Variants in NELL2 observed in about 807,000 individuals in gnomAD.
The protein encoded by NELL2 is protein kinase C-binding protein NELL2.
A neutral mutation model predicts 109.6 loss-of-function variants in NELL2; 41 were observed. The ratio of observed to expected loss-of-function variants is 0.37; its 90% CI spans 0.29 to 0.49. The LOEUF (loss-of-function observed/expected upper bound fraction) is 0.49. Among genes scored for constraint, NELL2 ranks in the 20% least tolerant of loss-of-function variants. The pLI is 0.98. For synonymous variants in NELL2, 355 were observed against 344.7 expected (o/e 1.03, Z -0.33); for missense variants, 900 against 1,008.3 (o/e 0.89, Z 1.45).
chr12:44,908,019 A>T (rs952375076), intron 1 of NELL2, among the ~76,000 whole-genome samples: 5 of 152,026 alleles, frequency 3.3e-5, no homozygotes, highest in African/African-American at 1.2e-4. Context: ...TCTCAGTGGA[A>T]TAGGAAGCAA....
chr12:44,623,024 C>T (rs1946114090), intron 13 of NELL2, among the ~76,000 whole-genome samples: 3 of 152,014 alleles, frequency 2.0e-5, no homozygotes. Context: ...CATTTTAGAG[C>T]TAATATCTTT....
rs1944626285 is a variant in NELL2, at chr12:44,854,668, ATGGATGGATGGATGGGTGGATGGATGGG to A, written c.184+20529_184+20556del. On this transcript the variant is annotated intron_variant, in intron 2 of 19. Coordinates refer to ENST00000429094, the MANE Select transcript of NELL2 (RefSeq NM_001145108.2). ...GTTTATTGGATGGATGGATGGATGG[ATGGATGGATGGATGGGTGGATGGATGGG>A]TGGATGGATGGGTGGGTGGGTGGAT... Among the ~76,000 whole-genome samples, 7 of 48,702 alleles carry A rather than the reference ATGGATGGATGGATGGGTGGATGGATGGG, an allele frequency of 1.4e-4. No homozygotes were observed. The South Asian group carries it at 4.2e-3, about 30-fold the overall frequency. The allele number at this position is 48,702 out of a possible 152,430, so 32.0% of individuals were successfully genotyped here.
At chr12:44,556,499 T>C (rs1943261233) in intron 15 of NELL2, among the ~76,000 whole-genome samples, 1 of 152,140 alleles carries the variant, frequency 6.6e-6, no homozygotes, top group African/African-American at 2.4e-5. Context: ...AGAAGCCAGA[T>C]ATAGGATCAC....
intron 12 of NELL2, among the ~76,000 whole-genome samples, chr12:44,690,481 G>A (rs979808375): frequency 6.6e-6 from 1 of 151,858 alleles, no homozygotes; most frequent in Admixed American, 6.6e-5. Context: ...CAAGCTCCTA[G>A]ATGGTGGCCC....
chr12:44,605,311 G>A (rs1294322318), intron 15 of NELL2, among the ~76,000 whole-genome samples: 2 of 152,102 alleles, frequency 1.3e-5, no homozygotes, highest in South Asian at 2.1e-4. Flanking sequence ...AGAGAATGGC[G>A]AAGAGTAAGG....
intron 15 of NELL2, among the ~76,000 whole-genome samples, chr12:44,554,141 T>C (rs1838144029): frequency 6.6e-6 from 1 of 152,178 alleles, no homozygotes; most frequent in Non-Finnish European, 1.5e-5. Flanking sequence ...AGCTATAAAA[T>C]AATGTAGCCT....
At chr12:44,767,077 G>A (rs572619641) in intron 9 of NELL2, among the ~76,000 whole-genome samples, 1 of 152,236 alleles carries the variant, frequency 6.6e-6, no homozygotes, top group African/African-American at 2.4e-5. Flanking sequence ...CAGTATCCGT[G>A]TTACGTCTAC....
intron 15 of NELL2, among the ~76,000 whole-genome samples, chr12:44,540,781 C>CTAAAAAAAAAA (rs1942518415): frequency 2.0e-5 from 1 of 49,750 alleles, no homozygotes; most frequent in Non-Finnish European, 3.4e-5. Context: ...GTCTGCAAGC[C>CTAAAAAAAAAA]AAAAAAAAAA....
At chr12:44,601,380 G>T (rs545038017) in intron 15 of NELL2, among the ~76,000 whole-genome samples, 1 of 152,088 alleles carries the variant, frequency 6.6e-6, no homozygotes, top group East Asian at 1.9e-4. Context: ...ATAATATAAA[G>T]ATTTATATTT....
At chr12:44,792,082 A>G (rs1232194628) in intron 3 of NELL2, among the ~76,000 whole-genome samples, 2 of 152,184 alleles carry the variant, frequency 1.3e-5, no homozygotes, top group Non-Finnish European at 2.9e-5. Context: ...TGGTGCCTCA[A>G]AAAAGAGGGA....
chr12:44,720,365 ACCTCATTTTTC>A (rs1938701787), intron 9 of NELL2, among the ~76,000 whole-genome samples: 1 of 152,044 alleles, frequency 6.6e-6, no homozygotes, highest in Admixed American at 6.6e-5. Context: ...GTGAACTGAA[ACCTCATTTTTC>A]CCTTTACATT....
chr12:44,580,450 CT>C (rs774573900), intron 15 of NELL2, among the ~76,000 whole-genome samples: 1 of 152,156 alleles, frequency 6.6e-6, no homozygotes, highest in Non-Finnish European at 1.5e-5. Flanking sequence ...GGTGCGGTGG[CT>C]TACGCCTGTA....
intron 5 of NELL2, among the ~76,000 whole-genome samples, chr12:44,778,519 T>C (rs894787933): frequency 1.3e-5 from 2 of 152,174 alleles, no homozygotes; most frequent in African/African-American, 4.8e-5. Flanking sequence ...GTTGTACACA[T>C]AATTGACATG....
At chr12:44,845,478 C>A (rs1332463971) in intron 2 of NELL2, among the ~76,000 whole-genome samples, 1 of 152,222 alleles carries the variant, frequency 6.6e-6, no homozygotes, top group Non-Finnish European at 1.5e-5. Flanking sequence ...AAATTCAGTT[C>A]TTCATTCACA....
chr12:44,668,606 C>T (rs1332738414), intron 12 of NELL2, among the ~76,000 whole-genome samples: 1 of 151,964 alleles, frequency 6.6e-6, no homozygotes, highest in Non-Finnish European at 1.5e-5. Flanking sequence ...CCCACACTGC[C>T]CACTTATGCT....
intron 2 of NELL2, among the ~76,000 whole-genome samples, chr12:44,870,167 A>C (rs1296522232): frequency 6.6e-6 from 1 of 152,138 alleles, no homozygotes; most frequent in East Asian, 1.9e-4. Flanking sequence ...TCTATACCTA[A>C]CCAATGCTCG....
intron 15 of NELL2, among the ~76,000 whole-genome samples, chr12:44,548,016 G>C (rs1236791145): frequency 6.6e-6 from 1 of 152,090 alleles, no homozygotes; most frequent in Non-Finnish European, 1.5e-5. Context: ...AACAAAATGT[G>C]AGCCCTTAGA....
chr12:44,872,814 T>C (rs576950002), intron 2 of NELL2, among the ~76,000 whole-genome samples: 6 of 152,320 alleles, frequency 3.9e-5, no homozygotes, highest in East Asian at 1.9e-4. Context: ...CTATGTATAG[T>C]GTATATGTAT....
chr12:44,655,371 G>A (rs141136656), intron 13 of NELL2, among the ~76,000 whole-genome samples: 4 of 152,150 alleles, frequency 2.6e-5, no homozygotes, highest in South Asian at 2.1e-4. Context: ...AAGCCACTAC[G>A]TTGAAGCTGG....
Sources: allele counts gnomAD v4.1 joint callset (sites outside exome capture counted in the v4.1 genomes callset), GRCh38; gene constraint gnomAD v4.1.1; transcripts MANE v1.5; gene names NCBI Gene and HGNC (gene_info 2026-07-23, HGNC 2026-07-21).